FOXK2: variants seen among roughly 807,000 people sequenced by gnomAD.
FOXK2 encodes forkhead box protein K2.
A neutral mutation model predicts 53.3 loss-of-function variants in FOXK2; 24 were observed. That is an observed-to-expected ratio of 0.45 (90% CI 0.33 to 0.63). FOXK2 has a LOEUF of 0.63. Among genes scored for constraint, FOXK2 ranks in the 30% least tolerant of loss-of-function variants. FOXK2 has a pLI of 0.03. For synonymous variants in FOXK2, 505 were observed against 407.1 expected, an observed-to-expected ratio of 1.24 and a Z score of -2.89; for missense variants, 952 against 910.5, an observed-to-expected ratio of 1.05 and a Z score of -0.59.
At chr17:82,601,218 C>G in intron 8 of FOXK2, 85 bp from the exon 9 acceptor site, 2 of 1,418,932 alleles carry the variant, frequency 1.4e-6, no homozygotes, top group Middle Eastern at 2.6e-4. Context: ...TTCTGACTCG[C>G]GAGGGTTCAC....
In FOXK2 at chr17:82,604,110, C is replaced by T. The variant is rs1472456964; in HGVS notation, c.*2611C>T. ...AGCTGCGTCGCTGTGAACTCCCGCTCTCCACTGTGTTCCTCAGTGTCTGCT... is the reference window on the plus strand; with the variant it reads ...AGCTGCGTCGCTGTGAACTCCCGCTTTCCACTGTGTTCCTCAGTGTCTGCT... On this transcript the variant is annotated 3_prime_UTR_variant, in exon 9 of 9. Coordinates refer to ENST00000335255, the MANE Select transcript of FOXK2 (RefSeq NM_004514.4). The T allele has an allele frequency of 6.6e-6, 1 of 152,294 alleles. No homozygotes were observed. Among genetic ancestry groups the T allele is most frequent in the Non-Finnish European group, 1.5e-5 (1 of 68,080 alleles). The allele number at this position is 152,294 out of a possible 1,614,324, so 9.4% of individuals were successfully genotyped here. A position where few individuals can be genotyped will look rare whatever the true frequency, so the allele number is the denominator to read the frequency against.
rs540039546 is a variant in FOXK2 at position 82,604,282 on chromosome 17, C to A, written c.*2783C>A. ...TCACGTGGTGCACTCAGAGTGTGTG[C>A]GGCATGATCCTCGGTTGCTCCTCCT... On this transcript the variant is annotated 3_prime_UTR_variant, in exon 9 of 9. Coordinates refer to ENST00000335255, the MANE Select transcript of FOXK2 (RefSeq NM_004514.4). 1.3e-5 allele frequency: 2 copies of A among 152,320 alleles called. No homozygotes were observed. The highest frequency in any genetic ancestry group is 2.1e-4 in the South Asian group (1 of 4,834). 9.4% of individuals were successfully genotyped at this position (152,320 alleles called of 1,614,324 possible). A position where few individuals can be genotyped will look rare whatever the true frequency, so the allele number is the denominator to read the frequency against.
At chr17:82,521,229 G>A (rs933266506) in intron 1 of FOXK2, among the ~76,000 whole-genome samples, 6 of 152,158 alleles carry the variant, frequency 3.9e-5, no homozygotes, top group Non-Finnish European at 8.8e-5. Context: ...CTGGAGTGTA[G>A]TGGCGCGATC....
intron 1 of FOXK2, among the ~76,000 whole-genome samples, chr17:82,535,748 G>GTTTTTTT (rs138654812): frequency 1.4e-5 from 2 of 140,102 alleles, no homozygotes; most frequent in Non-Finnish European, 3.1e-5. Context: ...GTGTGTTTTT[G>GTTTTTTT]TTTTTGTTTT....
intron 1 of FOXK2, among the ~76,000 whole-genome samples, chr17:82,533,067 C>T (rs1009896412): frequency 7.9e-5 from 12 of 152,178 alleles, no homozygotes; most frequent in African/African-American, 1.2e-4. Context: ...GGGGAAGTAA[C>T]GTGCATGGAG....
At position 82,520,041 on chromosome 17, in the gene FOXK2, G is replaced by T; in HGVS notation, c.153G>T (p.Lys51Asn). 1 of 1,519,668 alleles carries T rather than the reference G, an allele frequency of 6.6e-7. No homozygotes were observed. 94.1% of individuals were successfully genotyped at this position (1,519,668 alleles called of 1,614,324 possible). ...EGREFEYLMK[K>N]RSVTIGRNSS... Reference sequence around the variant, plus strand: ...GCGAGTTCGAGTATCTGATGAAGAAGCGCTCGGTGACCATCGGCCGCAACT... The same window carrying T: ...GCGAGTTCGAGTATCTGATGAAGAATCGCTCGGTGACCATCGGCCGCAACT... The change falls in exon 1 of 9, where the codon AAG becomes AAT. Residue 51 changes from lysine to asparagine, a missense_variant. By Grantham distance (94) the Lys-to-Asn change is moderately conservative. Around this residue, in one of 5 missense-constraint regions of FOXK2, gnomAD observed 163 missense variants for 165.5 expected, o/e 0.98. Transcript: ENST00000335255.
intron 7 of FOXK2, 60 bp from the exon 8 acceptor site, chr17:82,587,003 G>C: frequency 1.3e-6 from 2 of 1,531,326 alleles, no homozygotes; most frequent in South Asian, 2.2e-5. Context: ...GTTTTAAACT[G>C]GCAAGATTTT....
rs1314600511 is a variant in FOXK2 at position 82,584,010 on chromosome 17, C to G, written c.1104-3C>G. ...ATGCAATGTCTTCTTCTCGGTGACA[C>G]AGGAGTGCCCCAGCCTCTCCCAATC... On this transcript the variant is annotated splice_polypyrimidine_tract_variant and splice_region_variant and intron_variant, in intron 5 of 8. Coordinates refer to ENST00000335255, the MANE Select transcript of FOXK2 (RefSeq NM_004514.4). The G allele has an allele frequency of 6.3e-7, 1 of 1,581,714 alleles. No individual in the cohort carries two copies. Among genetic ancestry groups the G allele is most frequent in the Non-Finnish European group, 8.6e-7 (1 of 1,160,774 alleles).
At chr17:82,585,596 G>A (rs956404905) in intron 6 of FOXK2, among the ~76,000 whole-genome samples, 1 of 152,080 alleles carries the variant, frequency 6.6e-6, no homozygotes, top group South Asian at 2.1e-4. Flanking sequence ...CACTGCGCCC[G>A]GCCCAGTTTC....
At chr17:82,526,703 A>T (rs1339765179) in intron 1 of FOXK2, among the ~76,000 whole-genome samples, 1 of 151,822 alleles carries the variant, frequency 6.6e-6, no homozygotes. Context: ...GGTGGCGGGC[A>T]CCTCTAGTCC....
intron 8 of FOXK2, among the ~76,000 whole-genome samples, chr17:82,591,000 C>G (rs1232504114): frequency 6.6e-6 from 1 of 152,218 alleles, no homozygotes; most frequent in African/African-American, 2.4e-5. Context: ...GCCTCTGCCA[C>G]CAGCTGCTGT....
chr17:82,526,321 G>A (rs143223344), intron 1 of FOXK2, among the ~76,000 whole-genome samples: 166 of 152,306 alleles, frequency 1.1e-3, no homozygotes, highest in African/African-American at 3.8e-3. Flanking sequence ...AAGGGACATG[G>A]CTTGGCAATC....
chr17:82,582,717 T>C (rs1044601131), intron 4 of FOXK2, 24 bp from the exon 5 acceptor site: 2 of 1,531,830 alleles, frequency 1.3e-6, no homozygotes, highest in African/African-American at 1.4e-5. Flanking sequence ...ATATGAATTC[T>C]ACGTATTTTT....
At chr17:82,565,021 C>T (rs149022418) in intron 2 of FOXK2, among the ~76,000 whole-genome samples, 14 of 152,278 alleles carry the variant, frequency 9.2e-5, no homozygotes, top group East Asian at 1.9e-4. Flanking sequence ...TGAGCCACCA[C>T]GCCTGGCCTC....
At position 82,561,689 on chromosome 17, in the gene FOXK2, C is replaced by T. The variant is rs536442259; in HGVS notation, c.420-1665C>T. Among the ~76,000 whole-genome samples the T allele has an allele frequency of 1.2e-3, 189 of 152,258 alleles. 1 individual carries two copies. Among genetic ancestry groups the T allele is most frequent in the Non-Finnish European group, 2.2e-3 (152 of 68,004 alleles). On this transcript the variant is annotated intron_variant, in intron 1 of 8. Transcript: ENST00000335255. Reference sequence around the variant, plus strand: ...CGGCAAAGAAGCGAGTGTTGAAACCCCTCAGGTGCTGTCCTTCCCGACCCC... The same window carrying T: ...CGGCAAAGAAGCGAGTGTTGAAACCTCTCAGGTGCTGTCCTTCCCGACCCC...
intron 1 of FOXK2, among the ~76,000 whole-genome samples, chr17:82,556,046 A>T (rs1254992530): frequency 2.6e-5 from 4 of 152,054 alleles, no homozygotes; most frequent in African/African-American, 9.7e-5. Flanking sequence ...TAAACTGTCT[A>T]TTGAAGTATA....
At chr17:82,538,191 C>G (rs1324123536) in intron 1 of FOXK2, among the ~76,000 whole-genome samples, 1 of 152,052 alleles carries the variant, frequency 6.6e-6, no homozygotes, top group East Asian at 1.9e-4. Flanking sequence ...CCATTGCACT[C>G]CAGCCTGGGC....
chr17:82,574,435 C>T (rs1387856008), intron 4 of FOXK2, among the ~76,000 whole-genome samples: 1 of 152,074 alleles, frequency 6.6e-6, no homozygotes, highest in Non-Finnish European at 1.5e-5. Context: ...ATTCTCCTGC[C>T]TCAGCCTCAT....
At chr17:82,525,736 A>C (rs1026540605) in intron 1 of FOXK2, among the ~76,000 whole-genome samples, 1 of 152,254 alleles carries the variant, frequency 6.6e-6, no homozygotes, top group African/African-American at 2.4e-5. Flanking sequence ...TATAAATAGA[A>C]CAAGTTGAAT....
Sources: allele counts gnomAD v4.1 joint callset (sites outside exome capture counted in the v4.1 genomes callset), GRCh38; gene constraint gnomAD v4.1.1; regional missense constraint gnomAD v4.1.1; transcripts MANE v1.5; gene names NCBI Gene and HGNC (gene_info 2026-07-23, HGNC 2026-07-21).